Variants in ME3 observed in about 807,000 individuals in gnomAD.
The protein encoded by ME3 is NADP-dependent malic enzyme, mitochondrial.
A neutral mutation model predicts 68.9 loss-of-function variants in ME3; 48 were observed. That is an observed-to-expected ratio of 0.70 (90% CI 0.55 to 0.89). The LOEUF (loss-of-function observed/expected upper bound fraction) is 0.89, where lower values mean the gene tolerates loss of function less well. ME3 is among the 40% of genes least tolerant of loss of function. ME3 has a pLI of 0.00. For synonymous variants in ME3, 320 were observed against 318.8 expected (o/e 1.00, Z -0.04); for missense variants, 675 against 797.4 (o/e 0.85, Z 1.85).
intron 2 of ME3, among the ~76,000 whole-genome samples, chr11:86,649,713 C>T (rs1454906218): frequency 2.0e-5 from 3 of 152,080 alleles, no homozygotes; most frequent in Non-Finnish European, 4.4e-5. Flanking sequence ...ATTCACAATT[C>T]CTATGAAGGG....
chr11:86,612,742 C>A (rs1186265185), intron 2 of ME3, among the ~76,000 whole-genome samples: 1 of 151,906 alleles, frequency 6.6e-6, no homozygotes, highest in East Asian at 1.9e-4. Flanking sequence ...TATCCTTTGC[C>A]CACTTTTTGA....
chr11:86,656,461 A>G (rs1945879461), intron 2 of ME3, among the ~76,000 whole-genome samples: 1 of 152,140 alleles, frequency 6.6e-6, no homozygotes, highest in African/African-American at 2.4e-5. Context: ...ACATAGATCA[A>G]ACTGGGAACC....
At chr11:86,610,774 C>G (rs1942512976) in intron 2 of ME3, among the ~76,000 whole-genome samples, 1 of 152,170 alleles carries the variant, frequency 6.6e-6, no homozygotes, top group South Asian at 2.1e-4. Context: ...AGAGTATTTG[C>G]TTTTGAGCTT....
At chr11:86,469,674 C>T (rs184083213) in intron 7 of ME3, among the ~76,000 whole-genome samples, 92 of 152,284 alleles carry the variant, frequency 6.0e-4, no homozygotes, top group Admixed American at 5.8e-3. Flanking sequence ...GATGCTTCTC[C>T]AGTGGAGAAT....
intron 2 of ME3, among the ~76,000 whole-genome samples, chr11:86,586,782 C>A (rs1320929448): frequency 2.0e-5 from 3 of 152,084 alleles, no homozygotes; most frequent in Non-Finnish European, 2.9e-5. Flanking sequence ...GGATACCTAG[C>A]TGTGTCCTGA....
intron 2 of ME3, among the ~76,000 whole-genome samples, chr11:86,578,709 C>G (rs1360962791): frequency 6.6e-6 from 1 of 152,194 alleles, no homozygotes; most frequent in Non-Finnish European, 1.5e-5. Context: ...TCACAGCGAT[C>G]AGTCACCCTC....
chr11:86,657,732 AAAT>A (rs1054476849), intron 2 of ME3, among the ~76,000 whole-genome samples: 2 of 152,182 alleles, frequency 1.3e-5, no homozygotes, highest in African/African-American at 2.4e-5. Flanking sequence ...TTTAGAAAAA[AAAT>A]AATAACCATC....
At chr11:86,662,917 G>C (rs1946373860) in intron 2 of ME3, among the ~76,000 whole-genome samples, 1 of 152,138 alleles carries the variant, frequency 6.6e-6, no homozygotes, top group Non-Finnish European at 1.5e-5. Context: ...CTCTCCTGTT[G>C]GGAAGTCCCT....
intron 4 of ME3, among the ~76,000 whole-genome samples, chr11:86,543,836 A>G (rs1296509753): frequency 6.6e-6 from 1 of 152,214 alleles, no homozygotes; most frequent in Non-Finnish European, 1.5e-5. Context: ...CTCCACCCCA[A>G]ATCAACAGAA....
At chr11:86,582,564 T>A (rs1958501651) in intron 2 of ME3, among the ~76,000 whole-genome samples, 1 of 152,202 alleles carries the variant, frequency 6.6e-6, no homozygotes, top group Admixed American at 6.5e-5. Context: ...ATTTGGAGCA[T>A]TTCCTAAGGA....
chr11:86,606,630 G>T (rs1016739576), intron 2 of ME3, among the ~76,000 whole-genome samples: 1 of 152,204 alleles, frequency 6.6e-6, no homozygotes, highest in Non-Finnish European at 1.5e-5. Flanking sequence ...CAGGACTCAT[G>T]TTCTTACATG....
chr11:86,478,324 CAAAAAAAAA>C (rs57349808), intron 7 of ME3, among the ~76,000 whole-genome samples: 27 of 62,916 alleles, frequency 4.3e-4, no homozygotes, highest in African/African-American at 1.4e-3. Flanking sequence ...GCCTAAGGAC[CAAAAAAAAA>C]AAAAAAAAAA....
chr11:86,561,592 A>C (rs928565206), intron 2 of ME3, among the ~76,000 whole-genome samples: 1 of 152,206 alleles, frequency 6.6e-6, no homozygotes, highest in African/African-American at 2.4e-5. Context: ...CACCTTGCTA[A>C]ACTGTGAATT....
chr11:86,447,890 G>GAGAGACAGACTTGAGAA (rs1413242651), intron 11 of ME3, among the ~76,000 whole-genome samples: 5 of 98,774 alleles, frequency 5.1e-5, no homozygotes. Context: ...GAGAGAAAGA[G>GAGAGACAGACTTGAGAA]AGAGAGAGAC....
intron 4 of ME3, among the ~76,000 whole-genome samples, chr11:86,524,188 C>T (rs1014906170): frequency 1.3e-5 from 2 of 152,168 alleles, no homozygotes; most frequent in Non-Finnish European, 2.9e-5. Flanking sequence ...TCTAGTGAAT[C>T]TGGGTCTCTG....
In ME3 at chr11:86,559,504, C is replaced by T. The variant is rs1300126088; in HGVS notation, c.317+186G>A. ...CCCCCAGGACATGTCAGCTGTGTCT[C>T]AGTCATAACAAGCCTTGTCTCTCAG... On this transcript the variant is annotated intron_variant, in intron 3 of 14. Transcript: ENST00000543262. Among the ~76,000 whole-genome samples the T allele has an allele frequency of 3.9e-5, 6 of 152,154 alleles. No individual in the cohort carries two copies. In the East Asian group the frequency reaches 1.2e-3, roughly 29 times the overall value.
chr11:86,669,328 T>C (rs908326807), intron 2 of ME3, among the ~76,000 whole-genome samples: 1 of 152,208 alleles, frequency 6.6e-6, no homozygotes, highest in Non-Finnish European at 1.5e-5. Flanking sequence ...CATGGAAAGG[T>C]CAGGTCCTTA....
At position 86,560,732 on chromosome 11, in the gene ME3, G is replaced by A. The variant is rs865954862; in HGVS notation, c.184-909C>T. On this transcript the variant is annotated intron_variant, in intron 2 of 14. Coordinates refer to ENST00000543262, the Ensembl canonical transcript of ME3. ...TGTGTGTGTGTGTGTGTGTATGTGT[G>A]TGTGTGTGTGTGTGTGTATATATAT... is the stretch of plus-strand genomic sequence containing the variant. 1.9e-3 allele frequency among the ~76,000 whole-genome samples: 116 copies of A among 60,446 alleles called. 1 individual carries two copies. The Middle Eastern group carries it at 0.023, about 12-fold the overall frequency. 39.7% of individuals were successfully genotyped at this position (60,446 alleles called of 152,430 possible). A position where few individuals can be genotyped will look rare whatever the true frequency, so the allele number is the denominator to read the frequency against.
At chr11:86,527,984 A>T (rs188411553) in intron 4 of ME3, among the ~76,000 whole-genome samples, 1 of 152,138 alleles carries the variant, frequency 6.6e-6, no homozygotes, top group African/African-American at 2.4e-5. Context: ...CATAATGACA[A>T]GATCAAATTC....
Sources: allele counts gnomAD v4.1 joint callset (sites outside exome capture counted in the v4.1 genomes callset), GRCh38; gene constraint gnomAD v4.1.1; transcripts MANE v1.5; gene names NCBI Gene and HGNC (gene_info 2026-07-23, HGNC 2026-07-21).